Variants in UNK observed in about 807,000 individuals in gnomAD.
UNK encodes the protein RING finger protein unkempt homolog.
A neutral mutation model predicts 97.6 loss-of-function variants in UNK; 32 were observed. The observed-to-expected ratio is 0.33, with a 90% CI of 0.25 to 0.44. The LOEUF is 0.44. UNK is among the 20% of genes least tolerant of loss of function. The probability of loss-of-function intolerance (pLI) is 1.00; values close to 1 mark genes in which losing one functional copy is unlikely to be tolerated. For missense variants in UNK, 771 were observed against 1,098.4 expected (o/e 0.70, Z 4.21); for synonymous variants, 441 against 461.2 (o/e 0.96, Z 0.56).
rs1383680887 is a variant in UNK, at chr17:75,816,769, G to A, written c.962-1G>A. 6.3e-7 allele frequency: 1 copy of A among 1,599,828 alleles called. No homozygotes were observed. The highest frequency in any genetic ancestry group is 8.5e-7 in the Non-Finnish European group (1 of 1,178,066). On this transcript the variant is annotated splice_acceptor_variant, in intron 7 of 15. Transcript: ENST00000589666. LOFTEE classifies it high-confidence loss of function. This position sits in a 1 kb window ranked among gnomAD's most constrained non-coding sequence, Gnocchi z 4.0. Reference sequence around the variant, plus strand: ...CTGACCCCTGCCCCTGACTCTTGCAGAGCCACCCCTGAGTGACGACCTGCA... The same window carrying A: ...CTGACCCCTGCCCCTGACTCTTGCAAAGCCACCCCTGAGTGACGACCTGCA...
chr17:75,786,200 CCTTT>C (rs2061709220), intron 1 of UNK, among the ~76,000 whole-genome samples: 1 of 152,170 alleles, frequency 6.6e-6, no homozygotes, highest in African/African-American at 2.4e-5. Flanking sequence ...CTTTCCTGGT[CCTTT>C]CTTACTGGAG....
intron 14 of UNK, 141 bp downstream of exon 14, chr17:75,822,799 TC>T (rs35840629): frequency 9.0e-7 from 1 of 1,110,970 alleles, no homozygotes; most frequent in Non-Finnish European, 1.2e-6. Flanking sequence ...TCGCTCGCTC[TC>T]CCCCTGGGAG....
chr17:75,790,777 A>T (rs2061757117), intron 1 of UNK, among the ~76,000 whole-genome samples: 1 of 151,966 alleles, frequency 6.6e-6, no homozygotes, highest in Non-Finnish European at 1.5e-5. Context: ...CTAAAAATAC[A>T]AAAATTAGCT....
At chr17:75,794,046 A>C in intron 1 of UNK, 1 of 985,304 alleles carries the variant, frequency 1.0e-6, no homozygotes, top group Non-Finnish European at 1.2e-6. Context: ...ATTTGTGTGA[A>C]TCAGACCATC....
intron 1 of UNK, among the ~76,000 whole-genome samples, chr17:75,807,105 CTG>C (rs1230590232): frequency 6.6e-6 from 1 of 152,248 alleles, no homozygotes; most frequent in South Asian, 2.1e-4. Context: ...CCAGGACAGA[CTG>C]TGCCCAGAGG....
chr17:75,821,669 G>A (rs1163333592), intron 13 of UNK: 1 of 456,718 alleles, frequency 2.2e-6, no homozygotes, highest in Non-Finnish European at 4.4e-6. Context: ...GGGAAAGGGA[G>A]CAAGGAAGAA....
At chr17:75,792,148 T>A in intron 1 of UNK, 1 of 922,668 alleles carries the variant, frequency 1.1e-6, no homozygotes, top group South Asian at 5.0e-5. Context: ...AAGGTAATTT[T>A]TCTCATTAGG....
At chr17:75,823,216 C>T (rs752940490) in intron 14 of UNK, 49 bp from the exon 15 acceptor site, 2 of 1,527,824 alleles carry the variant, frequency 1.3e-6, no homozygotes, top group Non-Finnish European at 1.8e-6. Context: ...TCTCTGGGGA[C>T]AGGGGCAGGG....
At chr17:75,822,905 TGCC>T (rs2062082214) in intron 14 of UNK, among the ~76,000 whole-genome samples, 1 of 152,230 alleles carries the variant, frequency 6.6e-6, no homozygotes, top group African/African-American at 2.4e-5. Flanking sequence ...CAGGATCACC[TGCC>T]TCCTCCCAGT....
intron 1 of UNK, among the ~76,000 whole-genome samples, chr17:75,803,334 C>T (rs8073208): frequency 0.1 from 15,668 of 152,140 alleles, 1,679 homozygotes; most frequent in East Asian, 0.37. Context: ...ACCCGGGAGG[C>T]GGAGGTTGCA....
rs2143811474 is a variant in UNK at position 75,818,347 on chromosome 17, C to A, written c.1371+179C>A. Among the ~76,000 whole-genome samples the A allele has an allele frequency of 6.6e-6, 1 of 152,280 alleles. No homozygotes were observed. The highest frequency in any genetic ancestry group is 1.5e-5 in the Non-Finnish European group (1 of 68,000). On this transcript the variant is annotated intron_variant, in intron 10 of 15. Coordinates refer to ENST00000589666, the MANE Select transcript of UNK (RefSeq NM_001080419.3). This position sits in a 1 kb window ranked among gnomAD's most constrained non-coding sequence, Gnocchi z 5.1. ...GGTCAGGCCCTGGAGCCCCTCACCT[C>A]CTAGACTCAGTGGAGAAGGTGTTCC...
At chr17:75,797,881 A>G (rs543775865) in intron 1 of UNK, among the ~76,000 whole-genome samples, 11 of 152,214 alleles carry the variant, frequency 7.2e-5, no homozygotes, top group African/African-American at 2.6e-4. Flanking sequence ...TCCTGAGCAA[A>G]TCTGGTGTTG....
intron 1 of UNK, 127 bp downstream of exon 1, chr17:75,785,111 G>C (rs763829707): frequency 1.6e-6 from 1 of 633,172 alleles, no homozygotes; most frequent in Non-Finnish European, 2.6e-6. Flanking sequence ...GCCCGGCCCA[G>C]ACCGGTTCCA....
At chr17:75,811,485 C>T (rs2061968625) in intron 2 of UNK, among the ~76,000 whole-genome samples, 1 of 152,192 alleles carries the variant, frequency 6.6e-6, no homozygotes, top group Non-Finnish European at 1.5e-5. Flanking sequence ...AAGGCTATAC[C>T]TGAGTTTTGA....
At chr17:75,788,368 CAG>C (rs1338976183) in intron 1 of UNK, among the ~76,000 whole-genome samples, 5 of 152,080 alleles carry the variant, frequency 3.3e-5, no homozygotes, top group African/African-American at 9.7e-5. Flanking sequence ...TTAGTAGAGA[CAG>C]GGTTTCACTG....
chr17:75,787,507 CT>C (rs573451271), intron 1 of UNK, among the ~76,000 whole-genome samples: 6,263 of 139,222 alleles, frequency 0.045, 184 homozygotes, highest in Middle Eastern at 0.11. Flanking sequence ...CCACACCCAG[CT>C]TTTTTTTTTT....
chr17:75,821,171 C>T (rs1044939594), intron 13 of UNK: 2 of 315,864 alleles, frequency 6.3e-6, no homozygotes, highest in African/African-American at 4.4e-5. Context: ...TCCACATCAG[C>T]CTCCTGAGTA....
intron 15 of UNK, among the ~76,000 whole-genome samples, chr17:75,823,811 A>G (rs554798355): frequency 1.3e-5 from 2 of 151,946 alleles, no homozygotes; most frequent in Admixed American, 6.5e-5. Context: ...CCTCCTGTAC[A>G]CCCTCCATGG....
intron 1 of UNK, among the ~76,000 whole-genome samples, chr17:75,806,547 G>A (rs1032400847): frequency 1.3e-5 from 2 of 152,152 alleles, no homozygotes; most frequent in Non-Finnish European, 2.9e-5. Context: ...GCCGAGGCGG[G>A]CGAATCACAA....
Sources: allele counts gnomAD v4.1 joint callset (sites outside exome capture counted in the v4.1 genomes callset), GRCh38; gene constraint gnomAD v4.1.1; non-coding constraint Gnocchi (gnomAD v3.1); transcripts MANE v1.5; gene names NCBI Gene and HGNC (gene_info 2026-07-23, HGNC 2026-07-21).